Variants in TINAG observed in about 807,000 individuals in gnomAD.
TINAG encodes the protein tubulointerstitial nephritis antigen.
A neutral mutation model predicts 72.7 loss-of-function variants in TINAG; 83 were observed. The ratio of observed to expected loss-of-function variants is 1.14; its 90% confidence interval spans 0.96 to 1.37. TINAG has a LOEUF of 1.37. Among genes scored for constraint, TINAG ranks in the 40% most tolerant of loss-of-function variants. The pLI, the probability that TINAG is intolerant of heterozygous loss-of-function variation, is 0.00. For synonymous variants in TINAG, 234 were observed against 189.9 expected (o/e 1.23, Z -1.91); for missense variants, 685 against 576.6 (o/e 1.19, Z -1.93).
chr6:54,355,016 G>A (rs899067821), intron 9 of TINAG, among the ~76,000 whole-genome samples: 4 of 151,876 alleles, frequency 2.6e-5, no homozygotes, highest in Non-Finnish European at 4.4e-5. Flanking sequence ...GATTAAGCAG[G>A]AAGAGAAGGT....
intron 4 of TINAG, among the ~76,000 whole-genome samples, chr6:54,327,376 G>C (rs1332156739): frequency 1.3e-5 from 2 of 152,132 alleles, no homozygotes; most frequent in East Asian, 1.9e-4. Flanking sequence ...CTTAGTCAAG[G>C]GAAGCCATGA....
chr6:54,320,005 A>G (rs1460203590), intron 1 of TINAG, among the ~76,000 whole-genome samples: 1 of 152,092 alleles, frequency 6.6e-6, no homozygotes, highest in Non-Finnish European at 1.5e-5. Context: ...AACTAGTTTC[A>G]GTTAACAGTT....
chr6:54,364,055 T>G (rs906788594), intron 9 of TINAG, among the ~76,000 whole-genome samples: 2 of 151,520 alleles, frequency 1.3e-5, no homozygotes, highest in East Asian at 3.9e-4. Context: ...TTAGGTTATC[T>G]GTAGAAAAAA....
intron 9 of TINAG, among the ~76,000 whole-genome samples, chr6:54,374,864 C>A (rs1454981286): frequency 6.6e-6 from 1 of 151,884 alleles, no homozygotes; most frequent in African/African-American, 2.4e-5. Flanking sequence ...AGTAGGGTGT[C>A]CTGTATAAAA....
intron 9 of TINAG, among the ~76,000 whole-genome samples, chr6:54,364,160 C>A (rs572962019): frequency 6.6e-6 from 1 of 151,322 alleles, no homozygotes; most frequent in African/African-American, 2.4e-5. Context: ...GGAAGATAAC[C>A]AGGGGAACCC....
chr6:54,331,110 G>A (rs980624632), intron 4 of TINAG, among the ~76,000 whole-genome samples: 1 of 152,112 alleles, frequency 6.6e-6, no homozygotes, highest in African/African-American at 2.4e-5. Flanking sequence ...CATTTTATGA[G>A]GCCAGCATCA....
chr6:54,390,001 G>C lies in TINAG; in HGVS notation c.*76G>C. The C allele has an allele frequency of 1.3e-6, 2 of 1,554,548 alleles. No individual in the cohort carries two copies. The highest frequency in any genetic ancestry group is 1.7e-6 in the Non-Finnish European group (2 of 1,149,778). ...GAAGTTTAGCAATATGACATTCTTG[G>C]TGACAGTGGAATCTTTGTCTCTTCA... On this transcript the variant is annotated 3_prime_UTR_variant, in exon 11 of 11. Transcript: ENST00000259782.
chr6:54,317,293 T>C (rs1456036295), intron 1 of TINAG, among the ~76,000 whole-genome samples: 3 of 152,158 alleles, frequency 2.0e-5, no homozygotes, highest in African/African-American at 7.2e-5. Context: ...CTCCTGGTGA[T>C]ATGGTTTGGC....
intron 4 of TINAG, among the ~76,000 whole-genome samples, chr6:54,331,304 T>C (rs1221366352): frequency 1.3e-5 from 2 of 152,162 alleles, no homozygotes; most frequent in African/African-American, 4.8e-5. Flanking sequence ...TGCTTCAACA[T>C]ATCCAAATCT....
chr6:54,318,962 T>C (rs1784431699), intron 1 of TINAG, among the ~76,000 whole-genome samples: 1 of 152,146 alleles, frequency 6.6e-6, no homozygotes, highest in Non-Finnish European at 1.5e-5. Context: ...AATGGAGTTT[T>C]TGTTAACATT....
chr6:54,331,644 A>C (rs1784744431), intron 4 of TINAG, among the ~76,000 whole-genome samples: 1 of 152,220 alleles, frequency 6.6e-6, no homozygotes, highest in Non-Finnish European at 1.5e-5. Context: ...AAGTGTATTC[A>C]TAAAGGAAGA....
intron 10 of TINAG, among the ~76,000 whole-genome samples, chr6:54,386,717 T>C (rs534863726): frequency 1.4e-4 from 21 of 151,374 alleles, no homozygotes; most frequent in African/African-American, 4.8e-4. Context: ...AAACTTTATA[T>C]ACATATGAAA....
At chr6:54,335,544 T>A (rs1226007680) in intron 4 of TINAG, among the ~76,000 whole-genome samples, 1 of 152,134 alleles carries the variant, frequency 6.6e-6, no homozygotes, top group Non-Finnish European at 1.5e-5. Flanking sequence ...TTTTAATATG[T>A]GGTCAGGCAG....
At chr6:54,337,506 G>T (rs191586272) in intron 4 of TINAG, among the ~76,000 whole-genome samples, 1 of 151,804 alleles carries the variant, frequency 6.6e-6, no homozygotes, top group African/African-American at 2.4e-5. Flanking sequence ...CGCCCGCTTC[G>T]GCCTCCCAAA....
intron 1 of TINAG, among the ~76,000 whole-genome samples, chr6:54,311,412 G>C (rs1020195267): frequency 6.6e-6 from 1 of 152,184 alleles, no homozygotes; most frequent in Non-Finnish European, 1.5e-5. Flanking sequence ...GATATGGCAA[G>C]ACTTGAATTG....
At chr6:54,351,455 A>G (rs2150961029) in intron 8 of TINAG, 58 bp downstream of exon 8, 1 of 1,509,938 alleles carries the variant, frequency 6.6e-7, no homozygotes, top group Non-Finnish European at 9.1e-7. Flanking sequence ...ACAACATTAC[A>G]TTGAGCTCAT....
intron 8 of TINAG, 112 bp downstream of exon 8, chr6:54,351,509 G>T (rs1785266255): frequency 2.2e-6 from 2 of 921,262 alleles, no homozygotes; most frequent in Non-Finnish European, 1.6e-6. Flanking sequence ...TACTTTAAGA[G>T]TATCCAAAAG....
intron 4 of TINAG, among the ~76,000 whole-genome samples, chr6:54,328,485 A>G (rs941699333): frequency 1.3e-5 from 2 of 152,224 alleles, no homozygotes; most frequent in African/African-American, 4.8e-5. Flanking sequence ...ATCAAAGGCC[A>G]GAAGTAGATA....
At chr6:54,326,085 C>G (rs73444705) in intron 3 of TINAG, among the ~76,000 whole-genome samples, 4,820 of 151,830 alleles carry the variant, frequency 0.032, 169 homozygotes, top group African/African-American at 0.088. Flanking sequence ...ATTTTTTATC[C>G]ACTATCATCT....
Sources: gnomAD v4.1 joint callset for allele counts (sites outside exome capture counted in the v4.1 genomes callset) on GRCh38, gnomAD v4.1.1 for gene constraint, MANE v1.5 for transcripts, NCBI Gene and HGNC (gene_info 2026-07-23, HGNC 2026-07-21) for gene names.